Variants in USH2A observed in about 807,000 individuals in gnomAD.
The protein encoded by USH2A is Usher syndrome 2A (autosomal recessive, mild).
Under a neutral mutation model 538.9 loss-of-function variants are expected in USH2A, and 443 were observed. That is an observed-to-expected ratio of 0.82 (90% CI 0.76 to 0.89). The LOEUF (loss-of-function observed/expected upper bound fraction) is 0.89. USH2A is among the 40% of genes least tolerant of loss of function. The pLI is 0.00. For missense variants in USH2A, 6,633 were observed against 6,324.8 expected, an observed-to-expected ratio of 1.05 and a Z score of -1.65; for synonymous variants, 2,413 against 2,273.5, an observed-to-expected ratio of 1.06 and a Z score of -1.75.
intron 21 of USH2A, among the ~76,000 whole-genome samples, chr1:216,165,370 G>A (rs900210320): frequency 9.2e-5 from 14 of 151,966 alleles, no homozygotes; most frequent in Non-Finnish European, 1.8e-4. Flanking sequence ...GCTATGGTGG[G>A]GCAGAAAACA....
intron 30 of USH2A, among the ~76,000 whole-genome samples, chr1:216,067,947 C>T (rs1045966855): frequency 2.0e-5 from 3 of 152,078 alleles, no homozygotes; most frequent in Admixed American, 6.6e-5. Flanking sequence ...GAGAAGACGG[C>T]CCAGTTCTAA....
At chr1:216,012,499 C>A (rs1378693003) in intron 32 of USH2A, among the ~76,000 whole-genome samples, 1 of 152,134 alleles carries the variant, frequency 6.6e-6, no homozygotes, top group East Asian at 1.9e-4. Context: ...CCACCGCAGT[C>A]ATTTCTTCCC....
rs761175679 is a variant in USH2A at position 216,199,886 on chromosome 1, C to A, written c.3552G>T (p.Leu1184Phe). 1.3e-5 allele frequency: 21 copies of A among 1,613,996 alleles called. No individual in the cohort carries two copies. Among genetic ancestry groups the A allele is most frequent in the Non-Finnish European group, 1.7e-5 (20 of 1,180,006 alleles). ...GACCACCAGCCAAAGGGGCACAGGA[C>A]AAAATATATTTCTCTATGGGACCAG... is the stretch of plus-strand genomic sequence containing the variant. ...NQSGPIEKYI[L>F]SCAPLAGGQP... The change falls in exon 17 of 72, where the codon TTG becomes TTT. Residue 1184 changes from leucine to phenylalanine, a missense_variant. Coordinates refer to ENST00000307340, the MANE Select transcript of USH2A (RefSeq NM_206933.4).
In USH2A at chr1:216,199,760, C is replaced by T. The variant is rs376090043; in HGVS notation, c.3678G>A (p.Gly1226=). The part of the protein sequence containing the change: ...YDFSVQACTS[G]GCLHSLPITV... The stretch of plus-strand genomic sequence containing the variant: ...TAATGGGCAAGCTGTGTAAACAGCC[C>T]CCGCTAGTACACGCCTGTACAGAAA... Residue 1226 remains glycine, a synonymous_variant, in exon 17 of 72, where the codon GGG becomes GGA. Transcript: ENST00000307340. 9.7e-5 allele frequency: 156 copies of T among 1,613,926 alleles called. 6 individuals carry two copies. The South Asian group carries it at 1.7e-3, about 17-fold the overall frequency.
At chr1:215,796,269 T>A (rs1662132300) in intron 50 of USH2A, among the ~76,000 whole-genome samples, 1 of 152,278 alleles carries the variant, frequency 6.6e-6, no homozygotes, top group African/African-American at 2.4e-5. Flanking sequence ...GACTGCATTT[T>A]TTTACAAATT....
At chr1:215,695,266 C>T (rs1005406794) in intron 61 of USH2A, among the ~76,000 whole-genome samples, 2 of 152,152 alleles carry the variant, frequency 1.3e-5, no homozygotes, top group Admixed American at 1.3e-4. Context: ...GCAGCCAAAT[C>T]CACCTTTGAC....
At chr1:215,846,107 C>G (rs1663839991) in intron 44 of USH2A, 74 bp from the exon 45 acceptor site, 8 of 1,429,200 alleles carry the variant, frequency 5.6e-6, no homozygotes, top group Non-Finnish European at 7.8e-6. Flanking sequence ...CTATCATTAG[C>G]TTTCTAGAAT....
intron 64 of USH2A, among the ~76,000 whole-genome samples, chr1:215,658,278 C>T (rs1456385439): frequency 1.3e-5 from 2 of 151,350 alleles, no homozygotes; most frequent in Non-Finnish European, 2.9e-5. Flanking sequence ...TATATCTGCT[C>T]TCCCTAAGAG....
chr1:215,761,292 T>A (rs990032524), intron 56 of USH2A, among the ~76,000 whole-genome samples: 1 of 152,212 alleles, frequency 6.6e-6, no homozygotes, highest in Non-Finnish European at 1.5e-5. Flanking sequence ...TGATAAGGCC[T>A]CATTTTAGCA....
intron 11 of USH2A, among the ~76,000 whole-genome samples, chr1:216,263,936 A>G (rs1299060150): frequency 1.3e-5 from 2 of 152,182 alleles, no homozygotes; most frequent in African/African-American, 4.8e-5. Context: ...AGGATATCAA[A>G]TCAATATATA....
In USH2A at chr1:215,650,560, A is replaced by G. The variant is rs752951854; in HGVS notation, c.14343+32T>C. Reference sequence around the variant, plus strand: ...TCATAGTAATGATTTTTAAAAGTCAACCAGTCCTGGATTTTTAGCTCTGCT... The same window carrying G: ...TCATAGTAATGATTTTTAAAAGTCAGCCAGTCCTGGATTTTTAGCTCTGCT... On this transcript the variant is annotated intron_variant, in intron 65 of 71. Transcript: ENST00000307340. 9 of 1,613,074 alleles carry G rather than the reference A, an allele frequency of 5.6e-6. No individual in the cohort carries two copies. The Admixed American group carries it at 8.3e-5, about 15-fold the overall frequency.
chr1:216,369,578 C>T (rs1255102602), intron 3 of USH2A, among the ~76,000 whole-genome samples: 1 of 152,104 alleles, frequency 6.6e-6, no homozygotes, highest in African/African-American at 2.4e-5. Context: ...TAATCCTTTG[C>T]CACCTACTTT....
intron 41 of USH2A, among the ~76,000 whole-genome samples, chr1:215,884,924 G>C (rs1231862644): frequency 6.6e-6 from 1 of 152,174 alleles, no homozygotes; most frequent in Admixed American, 6.5e-5. Context: ...GCTGACAGCT[G>C]CAGGATTACT....
Position 216,232,084 on chromosome 1 carries a change from A to G in USH2A, c.2862T>C (p.His954=), listed in dbSNP as rs1407030262. The change falls in exon 14 of 72, where the codon CAT becomes CAC. Residue 954 remains histidine, a synonymous_variant. Transcript: ENST00000307340. The stretch of plus-strand genomic sequence containing the variant: ...AGATGTGATTAACTGCACCAGTTGT[A>G]TGGCATGAGCATGGCAGGCAGCCAG... ...NATGCLPCSC[H]TTGAVNHICN... The G allele has an allele frequency of 1.9e-6, 3 of 1,613,954 alleles. No homozygotes were observed. Among genetic ancestry groups the G allele is most frequent in the Non-Finnish European group, 2.5e-6 (3 of 1,179,930 alleles).
intron 4 of USH2A, 90 bp from the exon 5 acceptor site, chr1:216,327,744 T>C (rs1051401037): frequency 1.3e-6 from 2 of 1,509,258 alleles, no homozygotes; most frequent in Non-Finnish European, 9.2e-7. Flanking sequence ...TTTGAAGATG[T>C]TAAGGTTAAA....
intron 32 of USH2A, among the ~76,000 whole-genome samples, chr1:216,003,401 T>C (rs1558205628): frequency 6.6e-6 from 1 of 152,156 alleles, no homozygotes; most frequent in Non-Finnish European, 1.5e-5. Context: ...TGAAAACTGC[T>C]GCAGAAAACA....
chr1:215,648,778 A>G lies in USH2A; in HGVS notation c.14344-12T>C. On this transcript the variant is annotated splice_polypyrimidine_tract_variant and intron_variant, in intron 65 of 71. Transcript: ENST00000307340. ...ATGCCTTCGGATAGCTGTGGAAGGA[A>G]GGAAGGCTAGATAAAGGCAGTGTCA... 6.2e-7 allele frequency: 1 copy of G among 1,610,516 alleles called. No homozygotes were observed. Among genetic ancestry groups the G allele is most frequent in the Non-Finnish European group, 8.5e-7 (1 of 1,176,914 alleles).
intron 38 of USH2A, among the ~76,000 whole-genome samples, chr1:215,910,072 T>C (rs145242993): frequency 1.8e-3 from 280 of 151,752 alleles, no homozygotes; most frequent in African/African-American, 6.6e-3. Flanking sequence ...AGACTATGAT[T>C]GAAATATTTA....
intron 41 of USH2A, among the ~76,000 whole-genome samples, chr1:215,884,739 T>TC: frequency 6.6e-6 from 1 of 152,346 alleles, no homozygotes; most frequent in East Asian, 1.9e-4. Flanking sequence ...AGACTCAACT[T>TC]CTTTTACTTT....
Sources: allele counts gnomAD v4.1 joint callset (sites outside exome capture counted in the v4.1 genomes callset), GRCh38; gene constraint gnomAD v4.1.1; transcripts MANE v1.5; gene names NCBI Gene and HGNC (gene_info 2026-07-23, HGNC 2026-07-21).